DLG2: variants seen among roughly 807,000 people sequenced by gnomAD.
DLG2 encodes the protein discs large MAGUK scaffold protein 2.
Under a neutral mutation model 132.5 loss-of-function variants are expected in DLG2, and 45 were observed. That is an observed-to-expected ratio of 0.34 (90% CI 0.27 to 0.44). The LOEUF is 0.44. DLG2 is among the 20% of genes least tolerant of loss of function. The probability of loss-of-function intolerance (pLI) is 1.00; values close to 1 mark genes in which losing one functional copy is unlikely to be tolerated. For missense variants in DLG2, 1,045 were observed against 1,196.9 expected, an observed-to-expected ratio of 0.87 and a Z score of 1.87; for synonymous variants, 424 against 419.6, an observed-to-expected ratio of 1.01 and a Z score of -0.13.
At chr11:83,491,445 G>A (rs1346224916) in intron 21 of DLG2, among the ~76,000 whole-genome samples, 1 of 151,952 alleles carries the variant, frequency 6.6e-6, no homozygotes, top group Non-Finnish European at 1.5e-5. Flanking sequence ...TTCTAATTAA[G>A]TTCTGTGAAA....
At chr11:84,854,933 A>T (rs959846262) in intron 6 of DLG2, among the ~76,000 whole-genome samples, 1 of 151,996 alleles carries the variant, frequency 6.6e-6, no homozygotes, top group East Asian at 1.9e-4. Context: ...GGCAGTTGCT[A>T]AACTGTCTAC....
chr11:84,293,808 C>T (rs1259805463), intron 7 of DLG2, among the ~76,000 whole-genome samples: 2 of 152,160 alleles, frequency 1.3e-5, no homozygotes, highest in Non-Finnish European at 2.9e-5. Flanking sequence ...ATTATATGGA[C>T]AATCTAGAAC....
chr11:85,505,624 T>G (rs1393259064), intron 3 of DLG2, among the ~76,000 whole-genome samples: 1 of 152,230 alleles, frequency 6.6e-6, no homozygotes, highest in Non-Finnish European at 1.5e-5. Flanking sequence ...GGTTTGCCAG[T>G]ATTTTATTGA....
At chr11:85,266,506 G>A (rs1316071234) in intron 4 of DLG2, among the ~76,000 whole-genome samples, 13 of 152,082 alleles carry the variant, frequency 8.5e-5, no homozygotes, top group Admixed American at 8.5e-4. Flanking sequence ...AGTACCTAAT[G>A]TAGATATCAG....
At chr11:85,435,806 AC>A (rs1164620414) in intron 3 of DLG2, among the ~76,000 whole-genome samples, 2 of 152,188 alleles carry the variant, frequency 1.3e-5, no homozygotes, top group Non-Finnish European at 1.5e-5. Flanking sequence ...AATTAGCAAA[AC>A]CTACTTTAAA....
chr11:84,701,618 A>G (rs1184734049), intron 6 of DLG2, among the ~76,000 whole-genome samples: 1 of 151,412 alleles, frequency 6.6e-6, no homozygotes, highest in African/African-American at 2.4e-5. Flanking sequence ...AGCTCCCCCA[A>G]CCCAGGCACA....
At chr11:84,151,322 T>G (rs1231038936) in intron 9 of DLG2, among the ~76,000 whole-genome samples, 2 of 152,168 alleles carry the variant, frequency 1.3e-5, no homozygotes, top group Non-Finnish European at 2.9e-5. Flanking sequence ...TCTCTAGATT[T>G]TCTAGCTTGT....
intron 18 of DLG2, among the ~76,000 whole-genome samples, chr11:83,782,984 T>G (rs550822775): frequency 3.2e-4 from 49 of 152,374 alleles, no homozygotes; most frequent in African/African-American, 1.2e-3. Flanking sequence ...TAATTAACTT[T>G]GCATAGTGCT....
At chr11:83,455,060 C>T (rs1245470098), downstream of DLG2, 2 of 152,548 alleles carry the variant, frequency 1.3e-5, no homozygotes, top group Non-Finnish European at 2.9e-5. Context: ...TATAATAAAA[C>T]CATGACATGT....
At chr11:84,499,268 G>T (rs1382590745) in intron 7 of DLG2, among the ~76,000 whole-genome samples, 2 of 152,160 alleles carry the variant, frequency 1.3e-5, no homozygotes, top group African/African-American at 4.8e-5. Context: ...CTGTTACAAG[G>T]ATTAGATGAG....
chr11:84,183,335 T>C (rs2096192151), intron 8 of DLG2, among the ~76,000 whole-genome samples: 1 of 152,190 alleles, frequency 6.6e-6, no homozygotes, highest in Admixed American at 6.5e-5. Flanking sequence ...AGTTCATCAG[T>C]TGTAACAAAT....
chr11:84,130,462 A>G (rs923981689), intron 9 of DLG2, among the ~76,000 whole-genome samples: 2 of 141,188 alleles, frequency 1.4e-5, no homozygotes, highest in African/African-American at 2.8e-5. Context: ...GTAAGAAATT[A>G]TCAAACATCA....
intron 7 of DLG2, among the ~76,000 whole-genome samples, chr11:84,417,695 A>G (rs1343428502): frequency 1.3e-5 from 2 of 152,128 alleles, no homozygotes; most frequent in Non-Finnish European, 2.9e-5. Flanking sequence ...GCCTATCCTC[A>G]GCTCTTCATT....
rs2089189323 is a variant in DLG2 at position 83,457,422 on chromosome 11, A to ATATT, written c.*2392_*2395dup. 1 of 152,634 alleles carries ATATT rather than the reference A, an allele frequency of 6.6e-6. No homozygotes were observed. Among genetic ancestry groups the ATATT allele is most frequent in the Admixed American group, 6.5e-5 (1 of 15,274 alleles). 9.5% of individuals were successfully genotyped at this position (152,634 alleles called of 1,614,324 possible). ...TTCAAGCAAATATATATGTATCTAT[A>ATATT]TATTTATATAAATCTACATAAAAAA... is the stretch of plus-strand genomic sequence containing the variant. On this transcript the variant is annotated 3_prime_UTR_variant, in exon 28 of 28. Transcript: ENST00000376104.
intron 7 of DLG2, among the ~76,000 whole-genome samples, chr11:84,356,080 AG>A (rs2098609500): frequency 6.6e-6 from 1 of 152,128 alleles, no homozygotes; most frequent in South Asian, 2.1e-4. Flanking sequence ...ACAACATCAA[AG>A]GGTATGGGAC....
intron 3 of DLG2, among the ~76,000 whole-genome samples, chr11:85,314,972 C>A (rs1253086263): frequency 1.3e-5 from 2 of 151,988 alleles, no homozygotes; most frequent in African/African-American, 4.8e-5. Flanking sequence ...TGTGTCATTT[C>A]ATCTAAGCCT....
intron 6 of DLG2, among the ~76,000 whole-genome samples, chr11:84,954,328 T>G (rs1418809475): frequency 6.8e-6 from 1 of 146,376 alleles, no homozygotes; most frequent in African/African-American, 2.5e-5. Context: ...GGAGCAATAG[T>G]CAAGGGAGGC....
chr11:84,525,702 T>G (rs2099318170), intron 7 of DLG2, among the ~76,000 whole-genome samples: 1 of 152,220 alleles, frequency 6.6e-6, no homozygotes, highest in Admixed American at 6.5e-5. Flanking sequence ...TAGTCACCCC[T>G]CATTACCTAC....
chr11:85,036,214 A>G (rs1017847930), intron 6 of DLG2, among the ~76,000 whole-genome samples: 7 of 152,194 alleles, frequency 4.6e-5, no homozygotes, highest in African/African-American at 9.6e-5. Context: ...ATGTTACCTT[A>G]TGAGAGGCTT....
Sources: gnomAD v4.1 joint callset for allele counts (sites outside exome capture counted in the v4.1 genomes callset) on GRCh38, gnomAD v4.1.1 for gene constraint, MANE v1.5 for transcripts, NCBI Gene and HGNC (gene_info 2026-07-23, HGNC 2026-07-21) for gene names.